CEP63: variants seen among roughly 807,000 people sequenced by gnomAD.
CEP63 encodes the protein centrosomal protein 63, also known as centrosomal protein of 63 kDa.
CEP63 carries 84 observed loss-of-function variants against 89.1 expected under a neutral mutation model. That is an observed-to-expected ratio of 0.94 (90% CI 0.79 to 1.13). The LOEUF (loss-of-function observed/expected upper bound fraction) is 1.13. Ranked by LOEUF, CEP63 falls within the 50% of genes most tolerant of loss-of-function variation. The pLI is 0.00. For synonymous variants in CEP63, 267 were observed against 272.5 expected, an observed-to-expected ratio of 0.98 and a Z score of 0.20; for missense variants, 838 against 813.3, an observed-to-expected ratio of 1.03 and a Z score of -0.37.
chr3:134,692,634 A>T, the CEP63 span, among the ~76,000 whole-genome samples: 1 of 152,244 alleles, frequency 6.6e-6, no homozygotes, highest in African/African-American at 2.4e-5. Flanking sequence ...GTAGTCTAAC[A>T]TCACAGGTCC....
In CEP63 at chr3:134,550,205, A is replaced by C. The variant is rs758082113; in HGVS notation, c.1325A>C (p.Glu442Ala). 1.9e-6 allele frequency: 3 copies of C among 1,614,168 alleles called. No individual in the cohort carries two copies. In the East Asian group the frequency reaches 6.7e-5, roughly 36 times the overall value. The change falls in exon 11 of 15, where the codon GAA (glutamate) becomes GCA (alanine). Residue 442 changes from glutamate to alanine, a missense_variant. Transcript: ENST00000675561. The part of the protein sequence containing the change: ...ASTKGSSSDM[E>A]KRLRAEMQKA... ...ACCAAAGGTTCTTCCTCAGACATGG[A>C]AAAGCGACTCAGAGCAGAGATGCAA...
the CEP63 span, chr3:134,650,845 G>T: frequency 6.2e-7 from 1 of 1,605,944 alleles, no homozygotes; most frequent in Admixed American, 1.7e-5. Context: ...CTGCAGCAGC[G>T]AGCTCGGGTT....
intron 3 of CEP63, among the ~76,000 whole-genome samples, chr3:134,518,750 C>T (rs1341178797): frequency 6.6e-6 from 1 of 150,660 alleles, no homozygotes; most frequent in Non-Finnish European, 1.5e-5. Flanking sequence ...TCAAGAAAAA[C>T]AAAAAAACCC....
At chr3:134,671,320 C>G in the CEP63 span, among the ~76,000 whole-genome samples, 24,347 of 152,106 alleles carry the variant, frequency 0.16, 2,026 homozygotes, top group Middle Eastern at 0.23. Flanking sequence ...ACAATAGACA[C>G]TGGGGCCTCC....
the CEP63 span, among the ~76,000 whole-genome samples, chr3:134,776,481 A>T: frequency 4.6e-5 from 7 of 152,288 alleles, no homozygotes; most frequent in Admixed American, 4.6e-4. Context: ...CCCGCTACAT[A>T]TCAAGTGCCT....
chr3:134,625,676 G>T, the CEP63 span, among the ~76,000 whole-genome samples: 2 of 152,238 alleles, frequency 1.3e-5, no homozygotes, highest in Non-Finnish European at 2.9e-5. Flanking sequence ...CCTGCAGGGC[G>T]AGGTGCGTTT....
At chr3:134,512,269 G>A (rs903962896) in intron 3 of CEP63, among the ~76,000 whole-genome samples, 2 of 152,160 alleles carry the variant, frequency 1.3e-5, no homozygotes, top group Admixed American at 1.3e-4. Context: ...ACTAATATAA[G>A]CAACTTGTTT....
At chr3:134,675,223 A>T in the CEP63 span, among the ~76,000 whole-genome samples, 1 of 152,250 alleles carries the variant, frequency 6.6e-6, no homozygotes, top group East Asian at 1.9e-4. Context: ...GAGTCCAGAA[A>T]TAAACCCATA....
At chr3:134,663,125 T>G in the CEP63 span, among the ~76,000 whole-genome samples, 1 of 152,194 alleles carries the variant, frequency 6.6e-6, no homozygotes, top group Admixed American at 6.5e-5. Flanking sequence ...CAGGGCTCCA[T>G]GTGCCCCAGA....
At chr3:134,777,505 A>G in the CEP63 span, among the ~76,000 whole-genome samples, 1 of 152,078 alleles carries the variant, frequency 6.6e-6, no homozygotes, top group African/African-American at 2.4e-5. Context: ...CACTTAAAAT[A>G]ATTTAAAACT....
At chr3:134,523,810 A>G (rs553295975) in intron 3 of CEP63, among the ~76,000 whole-genome samples, 10 of 152,154 alleles carry the variant, frequency 6.6e-5, no homozygotes, top group Admixed American at 1.3e-4. Flanking sequence ...TATAGTTTGA[A>G]GTTGGGTAGT....
chr3:134,663,463 G>A, the CEP63 span, among the ~76,000 whole-genome samples: 2 of 152,196 alleles, frequency 1.3e-5, no homozygotes, highest in African/African-American at 2.4e-5. Flanking sequence ...GCAGAGGCTG[G>A]GGGAGAGTGT....
chr3:134,496,431 A>G (rs916284244), intron 2 of CEP63, among the ~76,000 whole-genome samples: 26 of 145,414 alleles, frequency 1.8e-4, no homozygotes, highest in South Asian at 4.4e-4. Flanking sequence ...TAGAAAAAAA[A>G]GGGGGGGGGG....
At chr3:134,552,239 T>C (rs1438596639) in intron 12 of CEP63, 1 of 335,080 alleles carries the variant, frequency 3.0e-6, no homozygotes, top group Non-Finnish European at 5.6e-6. Context: ...GTTTCACTCT[T>C]GTTACCCAGG....
chr3:134,726,485 C>CAA, the CEP63 span, among the ~76,000 whole-genome samples: 1,358 of 149,396 alleles, frequency 9.1e-3, 21 homozygotes, highest in African/African-American at 0.029. Flanking sequence ...CACACACACA[C>CAA]ACACACACAC....
the CEP63 span, among the ~76,000 whole-genome samples, chr3:134,718,954 T>C: frequency 6.6e-6 from 1 of 152,196 alleles, no homozygotes. Context: ...CCTCTGTTTT[T>C]CGTAACAGTT....
the CEP63 span, among the ~76,000 whole-genome samples, chr3:134,611,986 A>C: frequency 6.6e-6 from 1 of 152,222 alleles, no homozygotes; most frequent in Non-Finnish European, 1.5e-5. Context: ...TGATGTCCTG[A>C]GGGTTAACAG....
chr3:134,630,768 G>C, the CEP63 span, among the ~76,000 whole-genome samples: 1 of 152,170 alleles, frequency 6.6e-6, no homozygotes, highest in Non-Finnish European at 1.5e-5. Flanking sequence ...ACTCAGGAAA[G>C]TCTTAATTTG....
At chr3:134,771,526 T>A in the CEP63 span, among the ~76,000 whole-genome samples, 1 of 150,636 alleles carries the variant, frequency 6.6e-6, no homozygotes, top group African/African-American at 2.4e-5. Flanking sequence ...GGCCTGATAA[T>A]TTGCATTCCT....
Sources: allele counts gnomAD v4.1 joint callset (sites outside exome capture counted in the v4.1 genomes callset), GRCh38; gene constraint gnomAD v4.1.1; transcripts MANE v1.5; gene names NCBI Gene and HGNC (gene_info 2026-07-23, HGNC 2026-07-21).